AGBL4: variants seen among roughly 807,000 people sequenced by gnomAD.
AGBL4 encodes cytosolic carboxypeptidase 6.
AGBL4 carries 58 observed loss-of-function variants against 66.4 expected under a neutral mutation model. The observed-to-expected ratio is 0.87, with a 90% CI of 0.71 to 1.09. The LOEUF (loss-of-function observed/expected upper bound fraction) is 1.09, where lower values mean the gene tolerates loss of function less well. Among genes scored for constraint, AGBL4 ranks in the 50% least tolerant of loss-of-function variants. The pLI is 0.00. For synonymous variants in AGBL4, 234 were observed against 222.9 expected, an observed-to-expected ratio of 1.05 and a Z score of -0.44; for missense variants, 579 against 631.0, an observed-to-expected ratio of 0.92 and a Z score of 0.88.
intron 4 of AGBL4, among the ~76,000 whole-genome samples, chr1:49,227,674 C>A (rs1430053826): frequency 6.6e-6 from 1 of 152,178 alleles, no homozygotes; most frequent in African/African-American, 2.4e-5. Context: ...AACAAACCCT[C>A]TTAGGAATCA....
At position 49,697,298 on chromosome 1, in the gene AGBL4, C is replaced by T. The variant is rs1294850488; in HGVS notation, c.282+15G>A. 9.1e-6 allele frequency: 14 copies of T among 1,540,420 alleles called. No individual in the cohort carries two copies. The highest frequency in any genetic ancestry group is 1.2e-5 in the Non-Finnish European group (14 of 1,138,550). ...TTACCAAAACCACTCTGAAGGTATCCACTATTTCCCTCACCTGTGATTCTT... is the reference window on the plus strand; with the variant it reads ...TTACCAAAACCACTCTGAAGGTATCTACTATTTCCCTCACCTGTGATTCTT... On this transcript the variant is annotated intron_variant, in intron 3 of 13. Coordinates refer to ENST00000371839, the MANE Select transcript of AGBL4 (RefSeq NM_032785.4).
intron 6 of AGBL4, among the ~76,000 whole-genome samples, chr1:48,737,284 AAAAAG>A (rs1426778340): frequency 1.3e-5 from 2 of 152,160 alleles, no homozygotes; most frequent in Non-Finnish European, 2.9e-5. Context: ...ACTCCGTCTC[AAAAAG>A]AAAAAAGAAA....
intron 3 of AGBL4, among the ~76,000 whole-genome samples, chr1:49,290,696 A>G (rs1437189724): frequency 1.3e-5 from 2 of 152,196 alleles, no homozygotes; most frequent in East Asian, 3.9e-4. Flanking sequence ...TCCACAACCA[A>G]ATGCAGATCA....
chr1:48,834,143 A>C (rs1489135459), intron 6 of AGBL4, among the ~76,000 whole-genome samples: 1 of 152,114 alleles, frequency 6.6e-6, no homozygotes, highest in Admixed American at 6.5e-5. Context: ...TTCTATGACT[A>C]CCCTAGCACT....
At chr1:50,009,170 C>A (rs1661347947) in intron 1 of AGBL4, among the ~76,000 whole-genome samples, 1 of 152,090 alleles carries the variant, frequency 6.6e-6, no homozygotes, top group Non-Finnish European at 1.5e-5. Context: ...ATACCTAAAC[C>A]ACACAAAGAC....
chr1:49,423,003 T>C (rs1467872691), intron 3 of AGBL4: 2 of 152,220 alleles, frequency 1.3e-5, no homozygotes, highest in Non-Finnish European at 2.9e-5. Context: ...AAATGTAGTG[T>C]GCACAAGAGA....
chr1:48,784,772 T>C (rs1415889762), intron 6 of AGBL4, among the ~76,000 whole-genome samples: 1 of 152,190 alleles, frequency 6.6e-6, no homozygotes, highest in Non-Finnish European at 1.5e-5. Flanking sequence ...ATGGAAATCA[T>C]TGGTCAAACA....
intron 3 of AGBL4, among the ~76,000 whole-genome samples, chr1:49,661,652 G>C (rs1646271888): frequency 6.6e-6 from 1 of 152,062 alleles, no homozygotes; most frequent in South Asian, 2.1e-4. Flanking sequence ...AAATTACCCA[G>C]TCTAAAGTAT....
intron 3 of AGBL4, among the ~76,000 whole-genome samples, chr1:49,546,679 A>AT (rs917422620): frequency 2.6e-5 from 4 of 151,738 alleles, no homozygotes; most frequent in African/African-American, 9.7e-5. Flanking sequence ...CTGTTTTTTG[A>AT]TTTTTTTGAT....
At chr1:48,551,423 T>C (rs1349858507) in intron 11 of AGBL4, among the ~76,000 whole-genome samples, 2 of 152,206 alleles carry the variant, frequency 1.3e-5, no homozygotes, top group Non-Finnish European at 2.9e-5. Context: ...ATGCAGTAGC[T>C]TTTTTATTAT....
intron 2 of AGBL4, among the ~76,000 whole-genome samples, chr1:49,824,451 A>T (rs112528973): frequency 1.7e-4 from 26 of 152,342 alleles, no homozygotes; most frequent in Non-Finnish European, 2.9e-4. Flanking sequence ...TGAATGAGAT[A>T]TGGCATTTGA....
chr1:48,997,509 A>G (rs3118221), intron 5 of AGBL4, among the ~76,000 whole-genome samples: 67,174 of 152,034 alleles, frequency 0.44, 17,000 homozygotes, highest in Non-Finnish European at 0.58. Flanking sequence ...GCAGCATACA[A>G]TAGGCACTCT....
intron 1 of AGBL4, among the ~76,000 whole-genome samples, chr1:49,976,979 T>C (rs1293246485): frequency 6.6e-6 from 1 of 152,254 alleles, no homozygotes; most frequent in Non-Finnish European, 1.5e-5. Flanking sequence ...TTACTCAATA[T>C]ACACACATAC....
chr1:49,928,499 T>C (rs1005336190), intron 1 of AGBL4, among the ~76,000 whole-genome samples: 1 of 152,102 alleles, frequency 6.6e-6, no homozygotes, highest in African/African-American at 2.4e-5. Flanking sequence ...TCCACCCACC[T>C]TGACCTCCCA....
chr1:48,958,449 G>A (rs144541018), intron 5 of AGBL4, among the ~76,000 whole-genome samples: 119 of 152,338 alleles, frequency 7.8e-4, no homozygotes, highest in South Asian at 1.7e-3. Flanking sequence ...ATCTGAATGA[G>A]TTACAGCCAA....
intron 3 of AGBL4, among the ~76,000 whole-genome samples, chr1:49,556,507 T>TA (rs1323950628): frequency 9.9e-6 from 1 of 100,930 alleles, no homozygotes; most frequent in African/African-American, 4.3e-5. Context: ...TAAAGTATAA[T>TA]AAAAAAAATT....
intron 4 of AGBL4, among the ~76,000 whole-genome samples, chr1:49,078,782 T>C (rs1354443535): frequency 6.6e-6 from 1 of 152,220 alleles, no homozygotes; most frequent in Non-Finnish European, 1.5e-5. Flanking sequence ...GTCTTCAATC[T>C]TGCTTTTTCC....
intron 5 of AGBL4, among the ~76,000 whole-genome samples, chr1:49,010,171 T>C (rs1662275297): frequency 6.6e-6 from 1 of 151,876 alleles, no homozygotes; most frequent in Admixed American, 6.6e-5. Context: ...GATAAGCAAC[T>C]TCAGCAAAGT....
intron 4 of AGBL4, among the ~76,000 whole-genome samples, chr1:49,217,245 C>T (rs1323946704): frequency 6.6e-6 from 1 of 152,076 alleles, no homozygotes; most frequent in African/African-American, 2.4e-5. Context: ...AGCCTTTTAG[C>T]AGAATCTTCC....
Sources: allele counts gnomAD v4.1 joint callset (sites outside exome capture counted in the v4.1 genomes callset), GRCh38; gene constraint gnomAD v4.1.1; transcripts MANE v1.5; gene names NCBI Gene and HGNC (gene_info 2026-07-23, HGNC 2026-07-21).